Variants in VSTM5 observed in about 807,000 individuals in gnomAD.
The protein encoded by VSTM5 is V-set and transmembrane domain containing 5, also known as V-set and transmembrane domain-containing protein 5.
In VSTM5, 21 loss-of-function variants were observed where a neutral mutation model predicts 20.3. That is an observed-to-expected ratio of 1.03 (90% CI 0.73 to 1.49). The LOEUF is 1.49. Ranked by LOEUF, VSTM5 falls within the 40% of genes most tolerant of loss-of-function variation. The pLI, the probability that VSTM5 is intolerant of heterozygous loss-of-function variation, is 0.00. For missense variants in VSTM5, 219 were observed against 250.0 expected, an observed-to-expected ratio of 0.88 and a Z score of 0.84; for synonymous variants, 100 against 102.5, an observed-to-expected ratio of 0.98 and a Z score of 0.14.
intron 1 of VSTM5, among the ~76,000 whole-genome samples, chr11:93,847,624 G>C (rs550275791): frequency 6.6e-6 from 1 of 152,378 alleles, no homozygotes; most frequent in Admixed American, 6.5e-5. Flanking sequence ...CTTGGATCAA[G>C]TACTTCCGAA....
chr11:93,832,109 A>G (rs616566), intron 1 of VSTM5, among the ~76,000 whole-genome samples: 151,341 of 152,358 alleles, frequency 0.99, 75,186 homozygotes, highest in Middle Eastern at 1. Flanking sequence ...CTGTTGTCAT[A>G]AAGCACAGTA....
intron 1 of VSTM5, among the ~76,000 whole-genome samples, chr11:93,822,738 C>T (rs1018061452): frequency 3.3e-5 from 5 of 151,610 alleles, no homozygotes; most frequent in Non-Finnish European, 7.4e-5. Context: ...GATCTGCCTT[C>T]TCGGCCTCCC....
chr11:93,833,655 C>G (rs1336379077), intron 1 of VSTM5, among the ~76,000 whole-genome samples: 2 of 152,196 alleles, frequency 1.3e-5, no homozygotes, highest in Non-Finnish European at 2.9e-5. Context: ...ATCACTTCTC[C>G]AACCTCTTGC....
At chr11:93,835,339 C>T (rs554860704) in intron 1 of VSTM5, among the ~76,000 whole-genome samples, 12 of 152,212 alleles carry the variant, frequency 7.9e-5, no homozygotes, top group Non-Finnish European at 8.8e-5. Context: ...GGGAAGATCA[C>T]TTGAGTCCAA....
At chr11:93,829,618 A>G (rs900998022) in intron 1 of VSTM5, among the ~76,000 whole-genome samples, 1 of 152,202 alleles carries the variant, frequency 6.6e-6, no homozygotes, top group African/African-American at 2.4e-5. Flanking sequence ...AAGGGGCTCA[A>G]TAGGGGAGTT....
At chr11:93,847,296 T>G (rs552766561) in intron 1 of VSTM5, among the ~76,000 whole-genome samples, 3 of 152,184 alleles carry the variant, frequency 2.0e-5, no homozygotes, top group African/African-American at 7.2e-5. Flanking sequence ...TGAGGACTTA[T>G]GGAGTGATGG....
At chr11:93,825,999 G>A (rs1428130318) in intron 1 of VSTM5, among the ~76,000 whole-genome samples, 3 of 152,056 alleles carry the variant, frequency 2.0e-5, no homozygotes, top group Non-Finnish European at 4.4e-5. Context: ...CACTTCGAGA[G>A]GCCAGTGTGG....
chr11:93,841,790 G>A (rs1226656187), intron 1 of VSTM5, among the ~76,000 whole-genome samples: 1 of 152,156 alleles, frequency 6.6e-6, no homozygotes. Context: ...TTCTTATCTT[G>A]GGGAAGGAAA....
At chr11:93,850,163 G>T (rs1052460356) in intron 1 of VSTM5, among the ~76,000 whole-genome samples, 3 of 152,140 alleles carry the variant, frequency 2.0e-5, no homozygotes, top group African/African-American at 7.2e-5. Flanking sequence ...CCCCGAAGTG[G>T]GCCGGGGCGC....
At chr11:93,821,379 A>T in intron 1 of VSTM5, 56 bp from the exon 2 acceptor site, 1 of 1,408,560 alleles carries the variant, frequency 7.1e-7, no homozygotes, top group Non-Finnish European at 9.6e-7. Context: ...TACTGAAGTG[A>T]ACTTATATAA....
intron 1 of VSTM5, among the ~76,000 whole-genome samples, chr11:93,834,141 G>C (rs1032274867): frequency 3.3e-5 from 5 of 152,120 alleles, no homozygotes; most frequent in African/African-American, 1.2e-4. Flanking sequence ...CTGTACATGA[G>C]TAGCCAACCC....
chr11:93,845,626 GC>G (rs1565305010), intron 1 of VSTM5, among the ~76,000 whole-genome samples: 1 of 151,996 alleles, frequency 6.6e-6, no homozygotes, highest in Non-Finnish European at 1.5e-5. Flanking sequence ...CCAACTCCAA[GC>G]CCATTTTCCA....
At chr11:93,846,056 C>T (rs960874658) in intron 1 of VSTM5, among the ~76,000 whole-genome samples, 1 of 152,222 alleles carries the variant, frequency 6.6e-6, no homozygotes, top group Non-Finnish European at 1.5e-5. Context: ...CTGTGTTGCC[C>T]AGGCTGGTCT....
At chr11:93,828,510 T>C (rs1944255813) in intron 1 of VSTM5, among the ~76,000 whole-genome samples, 1 of 152,244 alleles carries the variant, frequency 6.6e-6, no homozygotes, top group Non-Finnish European at 1.5e-5. Flanking sequence ...GATATATTTC[T>C]TGAAATCACA....
In VSTM5 at chr11:93,818,326, TC is replaced by T. The variant is rs1944147746; in HGVS notation, c.*2242del. On this transcript the variant is annotated 3_prime_UTR_variant, in exon 4 of 4. Coordinates refer to ENST00000409977, the MANE Select transcript of VSTM5 (RefSeq NM_001144871.2). Reference sequence around the variant, plus strand: ...AGCTTAACATTTACACTAGCTAATCTCTAAGATTTTTATTTTTCTGAAAAGC... The same window carrying T: ...AGCTTAACATTTACACTAGCTAATCTTAAGATTTTTATTTTTCTGAAAAGC... 6.6e-6 allele frequency: 1 copy of T among 152,138 alleles called. No individual in the cohort carries two copies. The highest frequency in any genetic ancestry group is 2.4e-5 in the African/African-American group (1 of 41,446). 9.4% of individuals were successfully genotyped at this position (152,138 alleles called of 1,614,324 possible).
At chr11:93,829,254 T>C (rs903390734) in intron 1 of VSTM5, among the ~76,000 whole-genome samples, 1 of 152,156 alleles carries the variant, frequency 6.6e-6, no homozygotes, top group African/African-American at 2.4e-5. Context: ...TGATCACTTG[T>C]GGTGGCTCAC....
At chr11:93,830,049 C>G (rs1483468716) in intron 1 of VSTM5, among the ~76,000 whole-genome samples, 4 of 152,046 alleles carry the variant, frequency 2.6e-5, no homozygotes, top group African/African-American at 9.7e-5. Flanking sequence ...TAGGACGACC[C>G]AGGAAGGCAG....
At position 93,845,019 on chromosome 11, in the gene VSTM5, C is replaced by T. The variant is rs187760587; in HGVS notation, c.91+5393G>A. 1.6e-3 allele frequency among the ~76,000 whole-genome samples: 104 copies of T among 66,784 alleles called. 23 individuals are homozygous for T. The highest frequency in any genetic ancestry group is 5.2e-3 in the African/African-American group (100 of 19,326). The allele number at this position is 66,784 out of a possible 152,430, so 43.8% of individuals were successfully genotyped here. A position where few individuals can be genotyped will look rare whatever the true frequency, so the allele number is the denominator to read the frequency against. ...ACACAGGTGAGACTCTAAGACACAA[C>T]GTTGGGTGTTCTGAGAACAGCAGGA... is the stretch of plus-strand genomic sequence containing the variant. On this transcript the variant is annotated intron_variant, in intron 1 of 3. Coordinates refer to ENST00000409977, the MANE Select transcript of VSTM5 (RefSeq NM_001144871.2).
intron 1 of VSTM5, among the ~76,000 whole-genome samples, chr11:93,822,387 C>CTT (rs1190369934): frequency 1.4e-5 from 2 of 148,032 alleles, no homozygotes; most frequent in East Asian, 3.9e-4. Flanking sequence ...CAGCCATCTC[C>CTT]TTTTTTTTTT....
Sources: gnomAD v4.1 joint callset for allele counts (sites outside exome capture counted in the v4.1 genomes callset) on GRCh38, gnomAD v4.1.1 for gene constraint, MANE v1.5 for transcripts, NCBI Gene and HGNC (gene_info 2026-07-23, HGNC 2026-07-21) for gene names.